Variants in ZRANB2 observed in about 807,000 individuals in gnomAD.
ZRANB2 encodes zinc finger RANBP2-type containing 2.
ZRANB2 carries 19 observed loss-of-function variants against 53.4 expected under a neutral mutation model. That is an observed-to-expected ratio of 0.36 (90% CI 0.25 to 0.52). The LOEUF (loss-of-function observed/expected upper bound fraction) is 0.52. ZRANB2 is among the 20% of genes least tolerant of loss of function. The pLI is 0.93. For missense variants in ZRANB2, 309 were observed against 401.1 expected, an observed-to-expected ratio of 0.77 and a Z score of 1.96; for synonymous variants, 145 against 134.8, an observed-to-expected ratio of 1.08 and a Z score of -0.52.
Position 71,070,927 on chromosome 1 carries a change from T to C in ZRANB2, c.583A>G (p.Lys195Glu). Reference protein sequence around the residue: ...LDASEEEDSNKKKSNRRSRSK... With the variant: ...LDASEEEDSNEKKSNRRSRSK... ...CGACTTCGTCTATTAGATTTCTTTT[T>C]ATTACTATCTTCTTCTTCACTGGCA... The change falls in exon 7 of 10, where the codon AAA (lysine) becomes GAA (glutamate). Residue 195 changes from lysine to glutamate, a missense_variant. Around this residue, in one of 3 missense-constraint regions of ZRANB2, gnomAD observed 211 missense variants for 196.1 expected, o/e 1.08. Coordinates refer to ENST00000370920, the MANE Select transcript of ZRANB2 (RefSeq NM_203350.3). The C allele has an allele frequency of 6.2e-7, 1 of 1,611,748 alleles. No homozygotes were observed. The highest frequency in any genetic ancestry group is 8.5e-7 in the Non-Finnish European group (1 of 1,178,966).
At position 71,072,178 on chromosome 1, in the gene ZRANB2, T is replaced by A; in HGVS notation, c.456A>T (p.Glu152Asp). ...CCTCATCCTCTTCTTCTCCCTCTGA[T>A]TCTTTATCTTCAACTTCCTTTAATA... The part of the protein sequence containing the change: ...ASILKEVEDK[E>D]SEGEEEDEDE... Residue 152 changes from glutamate (E) to aspartate (D), a missense_variant, in exon 6 of 10, where the codon GAA (glutamate) becomes GAT (aspartate). Around this residue, in one of 3 missense-constraint regions of ZRANB2, gnomAD observed 74 missense variants for 180.1 expected, o/e 0.41. Transcript: ENST00000370920. 6.2e-7 allele frequency: 1 copy of A among 1,612,358 alleles called. No homozygotes were observed. Among genetic ancestry groups the A allele is most frequent in the Non-Finnish European group, 8.5e-7 (1 of 1,179,190 alleles).
chr1:71,063,998 C>G lies in ZRANB2; in HGVS notation c.*1076G>C, dbSNP rs1217972892. The G allele has an allele frequency of 6.6e-6, 1 of 152,374 alleles. No individual in the cohort carries two copies. The highest frequency in any genetic ancestry group is 1.5e-5 in the Non-Finnish European group (1 of 67,876). The allele number at this position is 152,374 out of a possible 1,614,324, so 9.4% of individuals were successfully genotyped here. ...TTTTAAACCAGAAAACAAACTAAAG[C>G]TCATGTGACCAGATTTTAATTTTGA... On this transcript the variant is annotated 3_prime_UTR_variant, in exon 10 of 10. Coordinates refer to ENST00000370920, the MANE Select transcript of ZRANB2 (RefSeq NM_203350.3).
intron 4 of ZRANB2, among the ~76,000 whole-genome samples, chr1:71,076,091 A>G (rs1661704449): frequency 6.6e-6 from 1 of 152,198 alleles, no homozygotes; most frequent in African/African-American, 2.4e-5. Context: ...TAGATATAGA[A>G]GGAATCCTTT....
Position 71,072,242 on chromosome 1 carries a change from T to C in ZRANB2, c.392A>G (p.Lys131Arg). ...DGEYDEFGRK[K>R]KKYRGKAVGP... ...AACTGCTTTCCCTCTGTATTTTTTC[T>C]TTTTACGTCCAAACTAGAGAAAAAC... The change falls in exon 6 of 10, where the codon AAG (lysine) becomes AGG (arginine). Residue 131 changes from lysine to arginine, a missense_variant. Lys to Arg is a conservative substitution (Grantham distance 26). Transcript: ENST00000370920. 6.2e-7 allele frequency: 1 copy of C among 1,609,716 alleles called. No homozygotes were observed. The highest frequency in any genetic ancestry group is 8.5e-7 in the Non-Finnish European group (1 of 1,178,744).
intron 5 of ZRANB2, 65 bp downstream of exon 5, chr1:71,072,407 T>C (rs760151226): frequency 6.6e-6 from 10 of 1,517,752 alleles, no homozygotes; most frequent in Non-Finnish European, 8.9e-6. Context: ...TGTTTTCCTT[T>C]GCATTTAAGA....
At chr1:71,071,143 T>A (rs1490191953) in intron 6 of ZRANB2, 147 bp from the exon 7 acceptor site, 4 of 650,650 alleles carry the variant, frequency 6.1e-6, no homozygotes, top group East Asian at 6.3e-5. Context: ...ATTCACCTAC[T>A]AAACTCATCT....
At chr1:71,066,634 A>AT in intron 9 of ZRANB2, 142 bp downstream of exon 9, 1 of 740,764 alleles carries the variant, frequency 1.3e-6, no homozygotes, top group Non-Finnish European at 2.1e-6. Context: ...AAGCAAAGTA[A>AT]TGTTTTTTTG....
In ZRANB2 at chr1:71,064,855, A is replaced by G. The variant is rs926335887; in HGVS notation, c.*219T>C. The G allele has an allele frequency of 7.3e-6, 3 of 409,954 alleles. No homozygotes were observed. Among genetic ancestry groups the G allele is most frequent in the African/African-American group, 6.2e-5 (3 of 48,468 alleles). The allele number at this position is 409,954 out of a possible 1,614,324, so 25.4% of individuals were successfully genotyped here. On this transcript the variant is annotated 3_prime_UTR_variant, in exon 10 of 10. Coordinates refer to ENST00000370920, the MANE Select transcript of ZRANB2 (RefSeq NM_203350.3). ...TTTTAAATGAAGCAAATGGTTGTAA[A>G]TAATGAATGACAGAACATCTATTTT...
Position 71,080,813 on chromosome 1 carries a change from A to G in ZRANB2, c.56+127T>C, listed in dbSNP as rs979024777. ...TTGGGAGCCTTCTTCCCGCCAGGGAACTGGCGGTTCGCCGCCTCAACCCGT... is the reference window on the plus strand; with the variant it reads ...TTGGGAGCCTTCTTCCCGCCAGGGAGCTGGCGGTTCGCCGCCTCAACCCGT... On this transcript the variant is annotated intron_variant, in intron 1 of 9. Transcript: ENST00000370920. 7 of 1,054,508 alleles carry G rather than the reference A, an allele frequency of 6.6e-6. No individual in the cohort carries two copies. The African/African-American group carries it at 1.1e-4, about 17-fold the overall frequency. The allele number at this position is 1,054,508 out of a possible 1,614,324, so 65.3% of individuals were successfully genotyped here.
chr1:71,065,636 G>T, intron 9 of ZRANB2: 1 of 1,582,450 alleles, frequency 6.3e-7, no homozygotes, highest in South Asian at 1.2e-5. Flanking sequence ...ATTTGCTATA[G>T]GGTTATATTC....
At chr1:71,066,636 GTT>G in intron 9 of ZRANB2, 138 bp downstream of exon 9, 1 of 784,066 alleles carries the variant, frequency 1.3e-6, no homozygotes, top group Non-Finnish European at 2.0e-6. Flanking sequence ...GCAAAGTAAT[GTT>G]TTTTTGAAGT....
chr1:71,080,833 A>AC, intron 1 of ZRANB2, 107 bp downstream of exon 1: 8 of 1,354,342 alleles, frequency 5.9e-6, no homozygotes, highest in Non-Finnish European at 8.4e-6. Flanking sequence ...CGCCGCCTCA[A>AC]CCCGTCTTAA....
intron 5 of ZRANB2, 92 bp downstream of exon 5, chr1:71,072,380 G>T: frequency 6.9e-7 from 1 of 1,441,710 alleles, no homozygotes; most frequent in Non-Finnish European, 9.4e-7. Context: ...GACTCAAATT[G>T]CACTTAAAAA....
At chr1:71,072,010 A>G (rs1661604689) in intron 6 of ZRANB2, 111 bp downstream of exon 6, 11 of 1,455,030 alleles carry the variant, frequency 7.6e-6, no homozygotes, top group Non-Finnish European at 1.8e-6. Context: ...TGTGAGAACA[A>G]ATGAAAACAC....
At chr1:71,072,306 T>A in intron 5 of ZRANB2, 51 bp from the exon 6 acceptor site, 1 of 1,516,628 alleles carries the variant, frequency 6.6e-7, no homozygotes, top group Non-Finnish European at 8.9e-7. Flanking sequence ...GCATTAAACT[T>A]AATACATTTT....
In ZRANB2 at chr1:71,070,859, T is replaced by A. The variant is rs761117712; in HGVS notation, c.651A>T (p.Ser217=). The A allele has an allele frequency of 6.2e-7, 1 of 1,605,140 alleles. No homozygotes were observed. The highest frequency in any genetic ancestry group is 8.5e-7 in the Non-Finnish European group (1 of 1,175,224). The change falls in exon 7 of 10, where the codon TCA becomes TCT. Residue 217 remains serine (S), a synonymous_variant. Coordinates refer to ENST00000370920, the MANE Select transcript of ZRANB2 (RefSeq NM_203350.3). The stretch of plus-strand genomic sequence containing the variant: ...TAGACCTTGAACTTGAGGGGGAGGA[T>A]GAGCGTGATGAAGATCGTGAATGTG... ...RSSHSRSSSR[S]SSPSSSRSRS... is the part of the protein sequence containing the mutation.
At position 71,064,819 on chromosome 1, in the gene ZRANB2, A is replaced by C; in HGVS notation, c.*255T>G. On this transcript the variant is annotated 3_prime_UTR_variant, in exon 10 of 10. Coordinates refer to ENST00000370920, the MANE Select transcript of ZRANB2 (RefSeq NM_203350.3). ...ATTAGGAAGCAAAGTACTTTGTTAT[A>C]GCTGAAATGGTTTTAAATGAAGCAA... The C allele has an allele frequency of 3.2e-6, 1 of 313,258 alleles. No individual in the cohort carries two copies. Among genetic ancestry groups the C allele is most frequent in the Admixed American group, 5.0e-5 (1 of 19,962 alleles). 19.4% of individuals were successfully genotyped at this position (313,258 alleles called of 1,614,324 possible). A position where few individuals can be genotyped will look rare whatever the true frequency, so the allele number is the denominator to read the frequency against.
At chr1:71,071,102 G>T (rs900001952) in intron 6 of ZRANB2, 106 bp from the exon 7 acceptor site, 3 of 885,970 alleles carry the variant, frequency 3.4e-6, no homozygotes, top group Non-Finnish European at 4.7e-6. Flanking sequence ...TATATCACAG[G>T]TATCTCAGCA....
intron 4 of ZRANB2, among the ~76,000 whole-genome samples, chr1:71,075,603 G>C (rs1399605025): frequency 6.6e-6 from 1 of 151,958 alleles, no homozygotes; most frequent in East Asian, 1.9e-4. Context: ...GGATGGCTGC[G>C]AAGAATCCCA....
Sources: allele counts gnomAD v4.1 joint callset (sites outside exome capture counted in the v4.1 genomes callset), GRCh38; gene constraint gnomAD v4.1.1; regional missense constraint gnomAD v4.1.1; transcripts MANE v1.5; gene names NCBI Gene and HGNC (gene_info 2026-07-23, HGNC 2026-07-21).